The following ADAMTS17 variants were observed in gnomAD, a reference collection of about 807,000 sequenced individuals.
ADAMTS17 encodes A disintegrin and metalloproteinase with thrombospondin motifs 17.
A neutral mutation model predicts 141.5 loss-of-function variants in ADAMTS17; 113 were observed. The observed-to-expected ratio is 0.80, with a 90% CI of 0.69 to 0.93. The LOEUF (loss-of-function observed/expected upper bound fraction) is 0.93. Ranked by LOEUF, ADAMTS17 falls within the 40% of genes least tolerant of loss-of-function variation. The probability of loss-of-function intolerance (pLI) is 0.00; values close to 1 mark genes in which losing one functional copy is unlikely to be tolerated. For missense variants in ADAMTS17, 1,659 were observed against 1,517.9 expected, an observed-to-expected ratio of 1.09 and a Z score of -1.54; for synonymous variants, 768 against 630.6, an observed-to-expected ratio of 1.22 and a Z score of -3.27.
At chr15:100,179,200 A>G (rs988100659) in intron 8 of ADAMTS17, among the ~76,000 whole-genome samples, 3 of 152,178 alleles carry the variant, frequency 2.0e-5, no homozygotes, top group African/African-American at 7.2e-5. Flanking sequence ...TGTACCCATT[A>G]ACTATCTTCA....
intron 7 of ADAMTS17, among the ~76,000 whole-genome samples, chr15:100,248,088 A>C (rs767332654): frequency 1.4e-4 from 21 of 152,034 alleles, no homozygotes; most frequent in Non-Finnish European, 2.5e-4. Flanking sequence ...CAGCGCACAG[A>C]CCAGACTCCA....
At chr15:100,233,191 G>A (rs1047158145) in intron 7 of ADAMTS17, among the ~76,000 whole-genome samples, 3 of 152,134 alleles carry the variant, frequency 2.0e-5, no homozygotes, top group African/African-American at 7.2e-5. Context: ...TGAGTCGGGC[G>A]TGGGGACGGA....
intron 20 of ADAMTS17, among the ~76,000 whole-genome samples, chr15:99,987,859 G>C (rs879681373): frequency 6.6e-6 from 1 of 152,140 alleles, no homozygotes; most frequent in Non-Finnish European, 1.5e-5. Flanking sequence ...ACTCTCCTGG[G>C]TGATGGCAGC....
At chr15:100,115,283 T>G (rs1166361250) in intron 13 of ADAMTS17, among the ~76,000 whole-genome samples, 1 of 152,184 alleles carries the variant, frequency 6.6e-6, no homozygotes, top group Non-Finnish European at 1.5e-5. Context: ...AAGGCCGGTG[T>G]GCAACTGCAC....
chr15:100,280,812 T>A (rs2142076956), intron 4 of ADAMTS17, among the ~76,000 whole-genome samples: 1 of 136,018 alleles, frequency 7.4e-6, no homozygotes, highest in South Asian at 2.7e-4. Flanking sequence ...TTCTCTCAAC[T>A]AGGCAGCCTC....
intron 10 of ADAMTS17, among the ~76,000 whole-genome samples, chr15:100,138,058 A>C (rs1401416032): frequency 1.3e-5 from 2 of 152,372 alleles, no homozygotes; most frequent in East Asian, 3.9e-4. Context: ...GGGAGAAGTC[A>C]TCTGGGGCTG....
At chr15:100,069,778 A>G (rs2033836282) in intron 15 of ADAMTS17, among the ~76,000 whole-genome samples, 1 of 150,540 alleles carries the variant, frequency 6.6e-6, no homozygotes, top group Non-Finnish European at 1.5e-5. Context: ...GGTAACAGCC[A>G]CTGCAAAAAC....
chr15:100,150,758 G>C (rs59026594), intron 10 of ADAMTS17, among the ~76,000 whole-genome samples: 4 of 152,122 alleles, frequency 2.6e-5, no homozygotes, highest in South Asian at 2.1e-4. Flanking sequence ...CTCCACAGTG[G>C]GCAGAGTGAC....
At chr15:100,170,029 C>T (rs745546574) in intron 8 of ADAMTS17, among the ~76,000 whole-genome samples, 54 of 152,020 alleles carry the variant, frequency 3.6e-4, no homozygotes, top group African/African-American at 9.7e-5. Flanking sequence ...ATTACCTGTG[C>T]CTACCCTCTG....
chr15:100,199,558 AC>A (rs2041243781), intron 7 of ADAMTS17, 135 bp from the exon 8 acceptor site: 7 of 783,266 alleles, frequency 8.9e-6, no homozygotes, highest in Non-Finnish European at 1.6e-5. Context: ...GCCTCAGCCC[AC>A]CTGGGAAGGG....
At chr15:100,107,918 G>T (rs756929863) in intron 14 of ADAMTS17, among the ~76,000 whole-genome samples, 1 of 152,078 alleles carries the variant, frequency 6.6e-6, no homozygotes, top group Non-Finnish European at 1.5e-5. Context: ...AGCTTGACCC[G>T]AGTCACCAGG....
At chr15:100,287,561 C>A (rs532777021) in intron 3 of ADAMTS17, among the ~76,000 whole-genome samples, 4 of 152,124 alleles carry the variant, frequency 2.6e-5, no homozygotes, top group Non-Finnish European at 5.9e-5. Flanking sequence ...TACAAGATGA[C>A]CATCCCCAAG....
chr15:100,194,017 G>C (rs538446205), intron 8 of ADAMTS17, among the ~76,000 whole-genome samples: 8 of 152,308 alleles, frequency 5.3e-5, no homozygotes, highest in Middle Eastern at 3.4e-3. Flanking sequence ...TTATCTAACA[G>C]ACACTCCTCA....
chr15:100,281,469 G>C (rs1567481131), intron 3 of ADAMTS17, 68 bp from the exon 4 acceptor site: 12 of 1,554,876 alleles, frequency 7.7e-6, no homozygotes, highest in Non-Finnish European at 4.3e-6. Context: ...CAGTGAACAG[G>C]CCTTCTGTCA....
At chr15:100,293,203 A>G (rs80196113) in intron 3 of ADAMTS17, among the ~76,000 whole-genome samples, 3,335 of 152,146 alleles carry the variant, frequency 0.022, 40 homozygotes, top group East Asian at 0.072. Context: ...AGTGGGGAGG[A>G]TGGGAGTGGG....
At chr15:99,979,767 G>A (rs1382499323) in intron 20 of ADAMTS17, 2 of 152,160 alleles carry the variant, frequency 1.3e-5, no homozygotes, top group East Asian at 3.8e-4. Flanking sequence ...CATTTCATAA[G>A]GCTCCATTTT....
intron 8 of ADAMTS17, among the ~76,000 whole-genome samples, chr15:100,170,828 C>A: frequency 6.6e-6 from 1 of 152,208 alleles, no homozygotes; most frequent in East Asian, 1.9e-4. Flanking sequence ...TTTCTACTGA[C>A]AATTTTGACT....
At chr15:100,145,236 T>C (rs2038843663) in intron 10 of ADAMTS17, among the ~76,000 whole-genome samples, 1 of 152,202 alleles carries the variant, frequency 6.6e-6, no homozygotes, top group East Asian at 1.9e-4. Context: ...TACCAGTTCT[T>C]AGCAACGGTC....
intron 15 of ADAMTS17, among the ~76,000 whole-genome samples, chr15:100,070,531 T>C (rs990790514): frequency 1.3e-5 from 2 of 150,066 alleles, no homozygotes; most frequent in African/African-American, 4.9e-5. Context: ...ATAGAAATTA[T>C]AACAAACTGT....
Sources: gnomAD v4.1 joint callset for allele counts (sites outside exome capture counted in the v4.1 genomes callset) on GRCh38, gnomAD v4.1.1 for gene constraint, MANE v1.5 for transcripts, NCBI Gene and HGNC (gene_info 2026-07-23, HGNC 2026-07-21) for gene names.